The following UBAP2L variants were observed in gnomAD, a reference collection of about 807,000 sequenced individuals.
UBAP2L encodes ubiquitin-associated protein 2-like.
A neutral mutation model predicts 130.6 loss-of-function variants in UBAP2L; 12 were observed. That is an observed-to-expected ratio of 0.09 (90% CI 0.06 to 0.15). UBAP2L has a LOEUF of 0.15. UBAP2L is among the 10% of genes least tolerant of loss of function. The pLI is 1.00. For missense variants in UBAP2L, 965 were observed against 1,332.5 expected, an observed-to-expected ratio of 0.72 and a Z score of 4.29; for synonymous variants, 503 against 524.7, an observed-to-expected ratio of 0.96 and a Z score of 0.57.
At chr1:154,250,344 A>G (rs1318074723) in intron 12 of UBAP2L, among the ~76,000 whole-genome samples, 1 of 122,244 alleles carries the variant, frequency 8.2e-6, no homozygotes, top group Non-Finnish European at 1.8e-5. Flanking sequence ...GAGCCATTGC[A>G]CCTGGCCATT....
intron 14 of UBAP2L, among the ~76,000 whole-genome samples, chr1:154,253,531 G>A (rs1187158527): frequency 4.0e-5 from 6 of 151,486 alleles, no homozygotes; most frequent in East Asian, 2.0e-4. Context: ...ACAGGTGCCC[G>A]CCACCATGCC....
chr1:154,239,315 C>T (rs1672721722), intron 8 of UBAP2L, among the ~76,000 whole-genome samples: 1 of 152,076 alleles, frequency 6.6e-6, no homozygotes, highest in African/African-American at 2.4e-5. Context: ...AATTATCCCC[C>T]AGACTGCTCC....
chr1:154,251,314 C>T lies in UBAP2L; in HGVS notation c.1487C>T (p.Ser496Phe), dbSNP rs142515266. 1 of 1,611,058 alleles carries T rather than the reference C, an allele frequency of 6.2e-7. No individual in the cohort carries two copies. Among genetic ancestry groups the T allele is most frequent in the South Asian group, 1.1e-5 (1 of 90,764 alleles). Residue 496 changes from serine to phenylalanine, a missense_variant, in exon 13 of 27, where the codon TCT becomes TTT. Transcript: ENST00000428931. ...CAGAAGAAAAAAGCCTCCTTGACTT[C>T]TAAGGTACTTAAACTTTTAGGTAGA... ...KQQKKKASLT[S>F]KIPALAVEMP... is the part of the protein sequence containing the mutation.
Position 154,249,453 on chromosome 1 carries a change from G to A in UBAP2L, c.1213+16G>A, listed in dbSNP as rs1361837315. 1 of 1,613,960 alleles carries A rather than the reference G, an allele frequency of 6.2e-7. No individual in the cohort carries two copies. The highest frequency in any genetic ancestry group is 1.7e-5 in the Admixed American group (1 of 60,016). On this transcript the variant is annotated intron_variant, in intron 12 of 26. Transcript: ENST00000428931. ...GTGCAGTATGGTGAGAAGATGGAAA[G>A]TGACTTGAATCTTTAAAGCATTGGA...
chr1:154,238,878 C>T (rs1403023077), intron 8 of UBAP2L, among the ~76,000 whole-genome samples: 1 of 150,818 alleles, frequency 6.6e-6, no homozygotes, highest in African/African-American at 2.4e-5. Flanking sequence ...GTAGCTGGGA[C>T]TACAGGTGCA....
chr1:154,227,200 A>G (rs1303680370), intron 2 of UBAP2L, 82 bp from the exon 3 acceptor site: 1 of 1,173,734 alleles, frequency 8.5e-7, no homozygotes, highest in Non-Finnish European at 1.3e-6. Context: ...AAATTGGGGC[A>G]GTGGAGGCTG....
chr1:154,268,963 C>T lies in UBAP2L; in HGVS notation c.3168+9C>T. On this transcript the variant is annotated intron_variant, in intron 26 of 26. Coordinates refer to ENST00000428931, the MANE Select transcript of UBAP2L (RefSeq NM_014847.4). ...TGCAGCAGGATGGCCAGGTAATAGC[C>T]CTTCCCCTTCTCTCCTTTCCCTTCC... 6.2e-7 allele frequency: 1 copy of T among 1,609,796 alleles called. No homozygotes were observed. Among genetic ancestry groups the T allele is most frequent in the Admixed American group, 1.7e-5 (1 of 59,834 alleles).
chr1:154,234,859 T>C lies in UBAP2L; in HGVS notation c.448+100T>C, dbSNP rs1006489537. On this transcript the variant is annotated intron_variant, in intron 5 of 26. Coordinates refer to ENST00000428931, the MANE Select transcript of UBAP2L (RefSeq NM_014847.4). Reference sequence around the variant, plus strand: ...TAGTCAGGACCTAGGAACCATTATATTATCCTTTTGCTTTTCTTGCCGTCG... The same window carrying C: ...TAGTCAGGACCTAGGAACCATTATACTATCCTTTTGCTTTTCTTGCCGTCG... 2.7e-6 allele frequency: 4 copies of C among 1,494,464 alleles called. No individual in the cohort carries two copies. The African/African-American group carries it at 4.2e-5, about 16-fold the overall frequency. 92.6% of individuals were successfully genotyped at this position (1,494,464 alleles called of 1,614,324 possible).
At chr1:154,267,378 ACTC>A (rs1420120699) in intron 25 of UBAP2L, among the ~76,000 whole-genome samples, 1 of 151,490 alleles carries the variant, frequency 6.6e-6, no homozygotes, top group African/African-American at 2.4e-5. Context: ...CTGGTCTCGA[ACTC>A]CTGACATCAT....
chr1:154,239,290 CAAATTATCCCCCA>C (rs1672710685), intron 8 of UBAP2L, among the ~76,000 whole-genome samples: 1 of 151,480 alleles, frequency 6.6e-6, no homozygotes, highest in South Asian at 2.1e-4. Flanking sequence ...GTTGAGGGGT[CAAATTATCCCCCA>C]AAATTATCCC....
At chr1:154,269,269 T>G (rs928340322) in intron 26 of UBAP2L, 57 of 1,261,218 alleles carry the variant, frequency 4.5e-5, no homozygotes, top group Non-Finnish European at 5.9e-5. Context: ...CAGCCTTCCC[T>G]CTTCCCTGAC....
At chr1:154,255,047 A>G in intron 16 of UBAP2L, 105 bp from the exon 17 acceptor site, 1 of 1,438,130 alleles carries the variant, frequency 7.0e-7, no homozygotes, top group Non-Finnish European at 9.5e-7. Flanking sequence ...TCCATTGTTA[A>G]ATAACTCATC....
chr1:154,263,044 C>T, intron 24 of UBAP2L: 1 of 1,524,296 alleles, frequency 6.6e-7, no homozygotes, highest in Non-Finnish European at 8.9e-7. Flanking sequence ...CAGTTCCCAA[C>T]CCCACAAAGG....
At chr1:154,220,501 T>G (rs932430331), upstream of UBAP2L, 285 of 1,419,898 alleles carry the variant, frequency 2.0e-4, no homozygotes, top group Non-Finnish European at 2.7e-4. Context: ...CTGGGTCCCC[T>G]GGAGCTCCCC....
chr1:154,254,683 A>C (rs995116199), intron 15 of UBAP2L, 153 bp from the exon 16 acceptor site: 13 of 816,128 alleles, frequency 1.6e-5, no homozygotes, highest in Non-Finnish European at 2.4e-5. Context: ...TTTTTTGGAT[A>C]GTCTACATTG....
At chr1:154,257,672 G>GT (rs1466430877) in intron 20 of UBAP2L, 13 of 503,192 alleles carry the variant, frequency 2.6e-5, no homozygotes, top group African/African-American at 7.7e-5. Context: ...TCAAACCTGT[G>GT]TTAAGGGTCA....
chr1:154,250,655 A>C (rs888776879), intron 12 of UBAP2L, among the ~76,000 whole-genome samples: 1 of 152,018 alleles, frequency 6.6e-6, no homozygotes, highest in Non-Finnish European at 1.5e-5. Context: ...GGAGTTCGAG[A>C]CCAGCCTGGC....
chr1:154,264,757 A>AT lies in UBAP2L; in HGVS notation c.2903-1734dup, dbSNP rs377017924. Among the ~76,000 whole-genome samples, 782 of 146,928 alleles carry AT rather than the reference A, an allele frequency of 5.3e-3. 8 individuals carry two copies. In the East Asian group the frequency reaches 0.054, roughly 10 times the overall value. ...CAACTATGCTATTTTTTATTTTTTT[A>AT]TTTTTTTTTTGCCTTTGCAGTAAAG... On this transcript the variant is annotated intron_variant, in intron 24 of 26. Coordinates refer to ENST00000428931, the MANE Select transcript of UBAP2L (RefSeq NM_014847.4).
intron 24 of UBAP2L, among the ~76,000 whole-genome samples, chr1:154,265,883 C>T (rs1044773561): frequency 1.3e-5 from 2 of 152,148 alleles, no homozygotes; most frequent in Admixed American, 6.5e-5. Flanking sequence ...AAATTGTGTA[C>T]ATGGAAATTG....
Sources: gnomAD v4.1 joint callset for allele counts (sites outside exome capture counted in the v4.1 genomes callset) on GRCh38, gnomAD v4.1.1 for gene constraint, MANE v1.5 for transcripts, NCBI Gene and HGNC (gene_info 2026-07-23, HGNC 2026-07-21) for gene names.